Variants in RASL12 observed in about 807,000 individuals in gnomAD.
RASL12 encodes ras-like protein family member 12.
RASL12 carries 16 observed loss-of-function variants against 22.9 expected under a neutral mutation model. That is an observed-to-expected ratio of 0.70 (90% CI 0.47 to 1.06). The LOEUF (loss-of-function observed/expected upper bound fraction) is 1.06, where lower values mean the gene tolerates loss of function less well. Among genes scored for constraint, RASL12 ranks in the 50% least tolerant of loss-of-function variants. RASL12 has a pLI of 0.00. For synonymous variants in RASL12, 159 were observed against 152.2 expected, an observed-to-expected ratio of 1.04 and a Z score of -0.33; for missense variants, 306 against 353.1, an observed-to-expected ratio of 0.87 and a Z score of 1.07.
At position 65,076,540 on chromosome 15, in the gene RASL12, G is replaced by A. The variant is rs149689165; in HGVS notation, c.59C>T (p.Ala20Val). ...GCTGTAACACTCACCTCGAGGGTCC[G>A]CGGCTTCATTCTTGAAGTCAGACCA... The change falls in exon 1 of 5, where the codon GCG (alanine) becomes GTG (valine). Residue 20 changes from alanine (A) to valine (V), a missense_variant. Physicochemically the swap from Ala to Val is moderately conservative, Grantham distance 64 (BLOSUM62 0). Coordinates refer to the RASL12 transcript ENST00000434605. 252 of 700,732 alleles carry A rather than the reference G, an allele frequency of 3.6e-4. 1 individual carries two copies. The highest frequency in any genetic ancestry group is 1.6e-3 in the East Asian group (61 of 37,248). The allele number at this position is 700,732 out of a possible 1,614,324, so 43.4% of individuals were successfully genotyped here. A position where few individuals can be genotyped will look rare whatever the true frequency, so the allele number is the denominator to read the frequency against.
chr15:65,059,725 C>G (rs1461581855), intron 2 of RASL12, among the ~76,000 whole-genome samples: 3 of 152,186 alleles, frequency 2.0e-5, no homozygotes, highest in African/African-American at 7.2e-5. Context: ...GCCCCTAGAC[C>G]CTGTTAGCAG....
At chr15:65,070,768 C>T (rs950787403), upstream of RASL12, among the ~76,000 whole-genome samples, 2 of 152,290 alleles carry the variant, frequency 1.3e-5, no homozygotes, top group Admixed American at 1.3e-4. Context: ...GATGTGGTTG[C>T]CTCTTCTGGA....
In RASL12 at chr15:65,054,575, A is replaced by G; in HGVS notation, c.*324T>C. On this transcript the variant is annotated 3_prime_UTR_variant, in exon 5 of 5. Transcript: ENST00000220062. ...CAGCTGGCCCAACTGTAGCTGGAGCAGGAAGGGCTGATGGCAGCAGGATAG... is the reference window on the plus strand; with the variant it reads ...CAGCTGGCCCAACTGTAGCTGGAGCGGGAAGGGCTGATGGCAGCAGGATAG... 1 of 1,120,674 alleles carries G rather than the reference A, an allele frequency of 8.9e-7. No homozygotes were observed. Among genetic ancestry groups the G allele is most frequent in the East Asian group, 5.0e-5 (1 of 19,950 alleles). 69.4% of individuals were successfully genotyped at this position (1,120,674 alleles called of 1,614,324 possible).
At chr15:65,056,061 T>C (rs1222517677) in intron 4 of RASL12, among the ~76,000 whole-genome samples, 2 of 151,698 alleles carry the variant, frequency 1.3e-5, no homozygotes, top group African/African-American at 2.4e-5. Context: ...CTGAAAGCCA[T>C]GGGAATCGAG....
chr15:65,053,412 G>C lies in RASL12; in HGVS notation c.*1487C>G. ...GTGGTATTGCATAGTTTGTTCAGAT[G>C]GCAGTGGTACACACACACATACACA... is the stretch of plus-strand genomic sequence containing the variant. On this transcript the variant is annotated 3_prime_UTR_variant, in exon 5 of 5. Coordinates refer to ENST00000220062, the MANE Select transcript of RASL12 (RefSeq NM_016563.4). 7.6e-7 allele frequency: 1 copy of C among 1,318,802 alleles called. No individual in the cohort carries two copies. Among genetic ancestry groups the C allele is most frequent in the Non-Finnish European group, 9.7e-7 (1 of 1,033,604 alleles). 81.7% of individuals were successfully genotyped at this position (1,318,802 alleles called of 1,614,324 possible). A position where few individuals can be genotyped will look rare whatever the true frequency, so the allele number is the denominator to read the frequency against.
At chr15:65,046,631 G>A in the RASL12 span, among the ~76,000 whole-genome samples, 4 of 152,070 alleles carry the variant, frequency 2.6e-5, no homozygotes, top group South Asian at 8.3e-4. Flanking sequence ...AACATATTTT[G>A]GCCAGGCGCG....
At chr15:65,067,615 T>A (rs1055643029) in intron 1 of RASL12, 118 bp downstream of exon 1, 19 of 1,240,732 alleles carry the variant, frequency 1.5e-5, no homozygotes, top group Non-Finnish European at 2.0e-5. Flanking sequence ...GCGACCCTCC[T>A]GGGTGAAGGA....
chr15:65,049,339 A>G (rs766166983), downstream of RASL12: 6 of 143,560 alleles, frequency 4.2e-5, no homozygotes, highest in African/African-American at 5.1e-5. Context: ...AAAAAAAAAG[A>G]AAAAGAAAAA....
chr15:65,049,704 C>G (rs1450830718), downstream of RASL12: 1 of 238,038 alleles, frequency 4.2e-6, no homozygotes, highest in Admixed American at 5.6e-5. Context: ...CTCCTCCACA[C>G]ATGCGATGGC....
intron 4 of RASL12, 52 bp downstream of exon 4, chr15:65,058,375 A>C: frequency 7.2e-7 from 1 of 1,389,166 alleles, no homozygotes; most frequent in South Asian, 1.9e-5. Flanking sequence ...ACCTGACCTT[A>C]CAAGTGAAGA....
At chr15:65,071,668 T>G (rs2086933148), upstream of RASL12, among the ~76,000 whole-genome samples, 1 of 152,112 alleles carries the variant, frequency 6.6e-6, no homozygotes, top group Non-Finnish European at 1.5e-5. Flanking sequence ...AGGAGGGGTT[T>G]GCACTCCCTC....
chr15:65,068,014 C>T, upstream of RASL12: 6 of 1,141,706 alleles, frequency 5.3e-6, no homozygotes, highest in Non-Finnish European at 6.4e-6. This position sits in a 1 kb window ranked among gnomAD's most constrained non-coding sequence, Gnocchi z 4.2. Flanking sequence ...GGAGGAGGGG[C>T]CGGTGGAGCC....
the RASL12 span, among the ~76,000 whole-genome samples, chr15:65,046,774 G>T: frequency 3.9e-5 from 6 of 152,016 alleles, no homozygotes; most frequent in East Asian, 9.7e-4. Context: ...TTAGCCGGGC[G>T]TGGTGGCACA....
At chr15:65,055,355 C>T (rs2086718496) in intron 4 of RASL12, 81 bp from the exon 5 acceptor site, 2 of 1,309,016 alleles carry the variant, frequency 1.5e-6, no homozygotes, top group Non-Finnish European at 2.0e-6. Flanking sequence ...ACCCAGCGCC[C>T]CATGGACTAG....
Position 65,067,748 on chromosome 15 carries a change from C to G in RASL12, c.88G>C (p.Gly30Arg), listed in dbSNP as rs1472439051. Residue 30 changes from glycine (G) to arginine (R), a missense_variant, in exon 1 of 5, where the codon GGG (glycine) becomes CGG (arginine). Transcript: ENST00000220062. ...CGCCACTCACCAGACTTGCCAGCCC[C>G]GCGGCGCCCCAGGATGGCCAGGTTG... ...EVNLAILGRR[G>R]AGKSALTVKF... is the part of the protein sequence containing the mutation. The G allele has an allele frequency of 6.4e-7, 1 of 1,568,970 alleles. No homozygotes were observed. Among genetic ancestry groups the G allele is most frequent in the East Asian group, 2.4e-5 (1 of 40,910 alleles).
the RASL12 span, among the ~76,000 whole-genome samples, chr15:65,047,950 G>A: frequency 6.6e-6 from 1 of 152,110 alleles, no homozygotes; most frequent in African/African-American, 2.4e-5. Flanking sequence ...AGGCCGAGGC[G>A]AGTGGATTAC....
chr15:65,059,505 G>C (rs1255725225), intron 2 of RASL12, 87 bp from the exon 3 acceptor site: 2 of 1,032,210 alleles, frequency 1.9e-6, no homozygotes, highest in Non-Finnish European at 3.0e-6. Context: ...TGTGTGGCCT[G>C]GGGGGACCTT....
rs1214165823 is a variant in RASL12, at chr15:65,055,018, T to C, written c.682A>G (p.Asn228Asp). The C allele has an allele frequency of 1.2e-6, 2 of 1,613,972 alleles. No homozygotes were observed. Reference sequence around the variant, plus strand: ...GCCACAGTGGGCATCTCCTTCAGGTTGATGGTGGAGAGCGTGTTGAAGGTG... The same window carrying C: ...GCCACAGTGGGCATCTCCTTCAGGTCGATGGTGGAGAGCGTGTTGAAGGTG... ...SCTFNTLSTI[N>D]LKEMPTVAQA... is the part of the protein sequence containing the mutation. The change falls in exon 5 of 5, where the codon AAC becomes GAC. Residue 228 changes from asparagine (N) to aspartate (D), a missense_variant. Physicochemically the swap from Asn to Asp is conservative, Grantham distance 23. Transcript: ENST00000220062.
Position 65,073,085 on chromosome 15 carries a change from CCAAA to C in RASL12, c.70+3440_70+3443del, listed in dbSNP as rs200301148. On this transcript the variant is annotated intron_variant, in intron 1 of 4. Coordinates refer to the RASL12 transcript ENST00000434605. The stretch of plus-strand genomic sequence containing the variant: ...AACAAAAAAACCCCAAACCAACGAA[CCAAA>C]CAAACAAACAAAAACCGACAACAAA... Among the ~76,000 whole-genome samples, 772 of 152,104 alleles carry C rather than the reference CCAAA, an allele frequency of 5.1e-3. 6 individuals are homozygous for C. Among genetic ancestry groups the C allele is most frequent in the South Asian group, 0.021 (103 of 4,804 alleles).
Sources: gnomAD v4.1 joint callset for allele counts (sites outside exome capture counted in the v4.1 genomes callset) on GRCh38, gnomAD v4.1.1 for gene constraint, Gnocchi (gnomAD v3.1) non-coding constraint, MANE v1.5 for transcripts, NCBI Gene and HGNC (gene_info 2026-07-23, HGNC 2026-07-21) for gene names.